The following ARHGAP12 variants were observed in gnomAD, a reference collection of about 807,000 sequenced individuals.
ARHGAP12 encodes rho GTPase-activating protein 12.
Under a neutral mutation model 108.6 loss-of-function variants are expected in ARHGAP12, and 64 were observed. That is an observed-to-expected ratio of 0.59 (90% CI 0.48 to 0.73). The LOEUF (loss-of-function observed/expected upper bound fraction) is 0.73. ARHGAP12 is among the 30% of genes least tolerant of loss of function. The pLI, the probability that ARHGAP12 is intolerant of heterozygous loss-of-function variation, is 0.00. For missense variants in ARHGAP12, 940 were observed against 1,005.9 expected (o/e 0.93, Z 0.89); for synonymous variants, 312 against 337.2 (o/e 0.93, Z 0.82).
intron 4 of ARHGAP12, among the ~76,000 whole-genome samples, chr10:31,858,172 C>G (rs945390600): frequency 6.6e-6 from 1 of 151,962 alleles, no homozygotes; most frequent in Non-Finnish European, 1.5e-5. Flanking sequence ...AACACTGTAC[C>G]CCAGCCTGGG....
At chr10:31,912,523 G>A (rs933784934) in intron 1 of ARHGAP12, among the ~76,000 whole-genome samples, 1 of 152,130 alleles carries the variant, frequency 6.6e-6, no homozygotes, top group Non-Finnish European at 1.5e-5. Context: ...AGGAGTTAGG[G>A]AGAAAGATAA....
chr10:31,917,758 A>C (rs544491049), intron 1 of ARHGAP12, among the ~76,000 whole-genome samples: 1 of 152,284 alleles, frequency 6.6e-6, no homozygotes, highest in East Asian at 1.9e-4. Flanking sequence ...TAACTCACCC[A>C]AAAAAAGGAG....
chr10:31,906,932 A>T (rs1319883929), intron 3 of ARHGAP12, among the ~76,000 whole-genome samples: 1 of 152,198 alleles, frequency 6.6e-6, no homozygotes, highest in Non-Finnish European at 1.5e-5. Flanking sequence ...TCAGAGTATC[A>T]CATAAAGACT....
At chr10:31,839,768 C>G in intron 7 of ARHGAP12, 57 bp from the exon 8 acceptor site, 1 of 1,407,538 alleles carries the variant, frequency 7.1e-7, no homozygotes, top group Non-Finnish European at 9.7e-7. Flanking sequence ...ATATTTCTGC[C>G]TCTACTCACA....
intron 3 of ARHGAP12, among the ~76,000 whole-genome samples, chr10:31,896,087 T>C (rs1838677737): frequency 6.7e-6 from 1 of 150,366 alleles, no homozygotes; most frequent in Admixed American, 6.6e-5. Flanking sequence ...CGGGGCCTGT[T>C]GTGGGGTGGG....
Position 31,879,705 on chromosome 10 carries a change from TA to T in ARHGAP12, c.685-18048del, listed in dbSNP as rs984870514. ...TGGCTCACACTTGGCTCTAGTATTT[TA>T]AAAAAAAGACAATACTATATAGTCT... On this transcript the variant is annotated intron_variant, in intron 3 of 19. Coordinates refer to ENST00000344936, the MANE Select transcript of ARHGAP12 (RefSeq NM_018287.7). Among the ~76,000 whole-genome samples the T allele has an allele frequency of 7.9e-5, 12 of 152,096 alleles. No individual in the cohort carries two copies. The East Asian group carries it at 9.7e-4, about 12-fold the overall frequency.
chr10:31,916,148 C>T (rs151143697), intron 1 of ARHGAP12, among the ~76,000 whole-genome samples: 4 of 152,232 alleles, frequency 2.6e-5, no homozygotes, highest in Non-Finnish European at 4.4e-5. Context: ...CATCACCACA[C>T]GCCTCCATCC....
At chr10:31,920,863 T>C (rs891366649) in intron 1 of ARHGAP12, among the ~76,000 whole-genome samples, 5 of 152,162 alleles carry the variant, frequency 3.3e-5, no homozygotes, top group African/African-American at 9.7e-5. Flanking sequence ...ACTGAAATTA[T>C]GCAAAGTATG....
chr10:31,861,438 G>T lies in ARHGAP12; in HGVS notation c.905C>A (p.Ala302Glu), dbSNP rs1438779151. The T allele has an allele frequency of 6.2e-7, 1 of 1,613,964 alleles. No homozygotes were observed. Among genetic ancestry groups the T allele is most frequent in the Admixed American group, 1.7e-5 (1 of 59,994 alleles). The change falls in exon 4 of 20, where the codon GCA (alanine) becomes GAA (glutamate). Residue 302 changes from alanine (A) to glutamate (E), a missense_variant. Ala to Glu is a moderately radical substitution (Grantham distance 107). Coordinates refer to ENST00000344936, the MANE Select transcript of ARHGAP12 (RefSeq NM_018287.7). ...TWKPPRWTRD[A>E]SISKGDFQNP... is the part of the protein sequence containing the mutation. The stretch of plus-strand genomic sequence containing the variant: ...TTGGAAATCTCCTTTGCTGATGCTT[G>T]CATCCCGAGTCCAACGAGGAGGTTT...
chr10:31,886,822 A>G, intron 3 of ARHGAP12, among the ~76,000 whole-genome samples: 1 of 152,226 alleles, frequency 6.6e-6, no homozygotes, highest in East Asian at 1.9e-4. Flanking sequence ...GATAAATCAG[A>G]GTGCTTAACC....
At chr10:31,874,049 T>C (rs1034730044) in intron 3 of ARHGAP12, among the ~76,000 whole-genome samples, 21 of 152,308 alleles carry the variant, frequency 1.4e-4, no homozygotes, top group Middle Eastern at 3.4e-3. Context: ...TTTCTAGAGA[T>C]TAAAAAGTTA....
At chr10:31,917,135 G>A (rs1351420512) in intron 1 of ARHGAP12, among the ~76,000 whole-genome samples, 3 of 151,714 alleles carry the variant, frequency 2.0e-5, no homozygotes, top group Non-Finnish European at 4.4e-5. Context: ...CAGGCCGGGC[G>A]CGATGGCTCA....
At chr10:31,840,422 G>A (rs368699724) in intron 7 of ARHGAP12, among the ~76,000 whole-genome samples, 2 of 151,774 alleles carry the variant, frequency 1.3e-5, no homozygotes, top group Admixed American at 6.6e-5. Context: ...TACAGATGTT[G>A]ATAGGACTAT....
At chr10:31,835,042 T>C (rs1352575755) in intron 9 of ARHGAP12, among the ~76,000 whole-genome samples, 1 of 151,500 alleles carries the variant, frequency 6.6e-6, no homozygotes, top group Non-Finnish European at 1.5e-5. Flanking sequence ...CTACTAAAAA[T>C]AAAAAAATCA....
At chr10:31,837,371 G>C (rs1428138258) in intron 9 of ARHGAP12, among the ~76,000 whole-genome samples, 1 of 152,134 alleles carries the variant, frequency 6.6e-6, no homozygotes, top group Non-Finnish European at 1.5e-5. Flanking sequence ...TGCAAATAAT[G>C]CAAAAGATAA....
At chr10:31,919,392 A>C (rs1277635189) in intron 1 of ARHGAP12, among the ~76,000 whole-genome samples, 1 of 152,228 alleles carries the variant, frequency 6.6e-6, no homozygotes, top group Non-Finnish European at 1.5e-5. Flanking sequence ...TGTTATATAT[A>C]TTTCACTAAA....
intron 12 of ARHGAP12, among the ~76,000 whole-genome samples, chr10:31,819,383 T>G (rs1404669015): frequency 6.6e-6 from 1 of 151,740 alleles, no homozygotes; most frequent in South Asian, 2.1e-4. Context: ...CAAAAAGAGG[T>G]TGGGATCTGG....
chr10:31,899,860 A>G (rs908932425), intron 3 of ARHGAP12, among the ~76,000 whole-genome samples: 1 of 152,200 alleles, frequency 6.6e-6, no homozygotes, highest in African/African-American at 2.4e-5. Flanking sequence ...TGAGAGAAAT[A>G]ATTGTTTAGT....
At chr10:31,905,066 A>G (rs751333546) in intron 3 of ARHGAP12, among the ~76,000 whole-genome samples, 1 of 152,180 alleles carries the variant, frequency 6.6e-6, no homozygotes, top group African/African-American at 2.4e-5. Flanking sequence ...TGAGGGTGTG[A>G]TATCGACAAG....
Sources: gnomAD v4.1 joint callset for allele counts (sites outside exome capture counted in the v4.1 genomes callset) on GRCh38, gnomAD v4.1.1 for gene constraint, MANE v1.5 for transcripts, NCBI Gene and HGNC (gene_info 2026-07-23, HGNC 2026-07-21) for gene names.